The following ARRDC3 variants were observed in gnomAD, a reference collection of about 807,000 sequenced individuals.
ARRDC3 encodes arrestin domain containing 3, also known as arrestin domain-containing protein 3.
In ARRDC3, 10 loss-of-function variants were observed where a neutral mutation model predicts 47.2. The ratio of observed to expected loss-of-function variants is 0.21; its 90% confidence interval spans 0.13 to 0.36. The LOEUF (loss-of-function observed/expected upper bound fraction) is 0.36, where lower values mean the gene tolerates loss of function less well. ARRDC3 is among the 10% of genes least tolerant of loss of function. The probability of loss-of-function intolerance (pLI) is 1.00; values close to 1 mark genes in which losing one functional copy is unlikely to be tolerated. For synonymous variants in ARRDC3, 156 were observed against 178.3 expected (o/e 0.87, Z 1.00); for missense variants, 381 against 503.6 (o/e 0.76, Z 2.33).
intron 1 of ARRDC3, among the ~76,000 whole-genome samples, chr5:91,381,685 A>AT (rs1035464820): frequency 3.3e-5 from 5 of 152,016 alleles, no homozygotes; most frequent in East Asian, 1.9e-4. Flanking sequence ...TATGTCTCTA[A>AT]TTTTTTTTCT....
At position 91,376,723 on chromosome 5, in the gene ARRDC3, A is replaced by G. The variant is rs372683386; in HGVS notation, c.408T>C (p.Tyr136=). ...SFEGRHGSVR[Y]WVKAELHRPW... is the part of the protein sequence containing the mutation. ...GCCTGTGCAATTCGGCTTTCACCCAATAGCGCACACTGCCATGTCGGCCTT... is the reference window on the plus strand; with the variant it reads ...GCCTGTGCAATTCGGCTTTCACCCAGTAGCGCACACTGCCATGTCGGCCTT... The change falls in exon 3 of 8, where the codon TAT becomes TAC. Residue 136 remains tyrosine, a synonymous_variant. Transcript: ENST00000265138. 8.1e-6 allele frequency: 13 copies of G among 1,613,864 alleles called. No homozygotes were observed. In the African/African-American group the frequency reaches 1.1e-4, roughly 13 times the overall value.
chr5:91,374,684 G>T (rs1265920847), intron 5 of ARRDC3, among the ~76,000 whole-genome samples: 1 of 152,000 alleles, frequency 6.6e-6, no homozygotes, highest in Non-Finnish European at 1.5e-5. Context: ...AGGAGTTCAA[G>T]ACCAACCTGG....
rs753483575 is a variant in ARRDC3 at position 91,382,987 on chromosome 5, A to T, written c.106T>A (p.Leu36Ile). 6.2e-7 allele frequency: 1 copy of T among 1,614,082 alleles called. No homozygotes were observed. The highest frequency in any genetic ancestry group is 8.5e-7 in the Non-Finnish European group (1 of 1,180,018). The part of the protein sequence containing the change: ...SGDTVSGRVN[L>I]EVTGEIRVKS... ...ACTCTGATTTCCCCAGTAACTTCTA[A>T]ATTTACCCTTCCTGAGACGGTATCC... Residue 36 changes from leucine (L) to isoleucine (I), a missense_variant, in exon 1 of 8, where the codon TTA becomes ATA. Physicochemically the swap from Leu to Ile is conservative, Grantham distance 5. Coordinates refer to ENST00000265138, the MANE Select transcript of ARRDC3 (RefSeq NM_020801.4).
At chr5:91,380,228 G>A in intron 1 of ARRDC3, 1 of 163,982 alleles carries the variant, frequency 6.1e-6, no homozygotes, top group Non-Finnish European at 1.3e-5. Flanking sequence ...CGCCGCCGCC[G>A]CCGCTGCCGC....
rs774402555 is a variant in ARRDC3, at chr5:91,375,630, A to C, written c.511-17T>G. The C allele has an allele frequency of 1.1e-5, 17 of 1,571,508 alleles. No individual in the cohort carries two copies. The South Asian group carries it at 1.9e-4, about 18-fold the overall frequency. On this transcript the variant is annotated splice_polypyrimidine_tract_variant and intron_variant, in intron 3 of 7. Coordinates refer to ENST00000265138, the MANE Select transcript of ARRDC3 (RefSeq NM_020801.4). ...TTGGGGTGACTGTAAGAAAAAAATT[A>C]AGAGAAAAAGGTCAGTGTATGGATT...
Position 91,378,735 on chromosome 5 carries a change from T to C in ARRDC3, c.321A>G (p.Ser107=). Reference sequence around the variant, plus strand: ...AGCTGAATGCATATTCATGCCTTCCTGAATGAATAGTGTGGAAGCCTTCTT... The same window carrying C: ...AGCTGAATGCATATTCATGCCTTCCCGAATGAATAGTGTGGAAGCCTTCTT... ...NSEEGFHTIH[S]GRHEYAFSFE... The change falls in exon 2 of 8, where the codon TCA becomes TCG. Residue 107 remains serine, a synonymous_variant. Coordinates refer to ENST00000265138, the MANE Select transcript of ARRDC3 (RefSeq NM_020801.4). The C allele has an allele frequency of 6.2e-7, 1 of 1,601,190 alleles. No homozygotes were observed.
chr5:91,379,659 G>C (rs1421864421), intron 1 of ARRDC3, among the ~76,000 whole-genome samples: 1 of 151,190 alleles, frequency 6.6e-6, no homozygotes, highest in Non-Finnish European at 1.5e-5. Flanking sequence ...TATGGGAGGG[G>C]GTTCTAGATC....
intron 7 of ARRDC3, 97 bp downstream of exon 7, chr5:91,373,587 G>A: frequency 8.5e-7 from 1 of 1,172,360 alleles, no homozygotes; most frequent in East Asian, 2.4e-5. Context: ...CTGTTAACAT[G>A]ATAATCAAGA....
rs1398583801 is a variant in ARRDC3 at position 91,369,904 on chromosome 5, A to G, written c.*1496T>C. ...ACTTACTGATGTGATTGTTCTTCCT[A>G]TGTAATCTATACATAATCAAAGTGA... On this transcript the variant is annotated 3_prime_UTR_variant, in exon 8 of 8. Coordinates refer to ENST00000265138, the MANE Select transcript of ARRDC3 (RefSeq NM_020801.4). The G allele has an allele frequency of 6.6e-6, 1 of 152,182 alleles. No homozygotes were observed. Among genetic ancestry groups the G allele is most frequent in the Admixed American group, 6.6e-5 (1 of 15,264 alleles). The allele number at this position is 152,182 out of a possible 1,614,324, so 9.4% of individuals were successfully genotyped here. A position where few individuals can be genotyped will look rare whatever the true frequency, so the allele number is the denominator to read the frequency against.
intron 1 of ARRDC3, 57 bp from the exon 2 acceptor site, chr5:91,378,832 G>T (rs975988684): frequency 6.2e-5 from 70 of 1,127,192 alleles, no homozygotes; most frequent in Non-Finnish European, 7.9e-5. Flanking sequence ...TACATACTCC[G>T]CAGGGTGGCA....
At chr5:91,375,668 AC>A in intron 3 of ARRDC3, 55 bp from the exon 4 acceptor site, 1 of 1,157,066 alleles carries the variant, frequency 8.6e-7, no homozygotes. Flanking sequence ...TACAATCAAT[AC>A]CAGAATATTT....
At chr5:91,373,599 C>A in intron 7 of ARRDC3, 85 bp downstream of exon 7, 2 of 1,287,416 alleles carry the variant, frequency 1.6e-6, no homozygotes, top group Non-Finnish European at 2.2e-6. Flanking sequence ...TAATCAAGAT[C>A]TAATAACATT....
In ARRDC3 at chr5:91,371,209, T is replaced by A. The variant is rs1459914423; in HGVS notation, c.*191A>T. 1 of 570,042 alleles carries A rather than the reference T, an allele frequency of 1.8e-6. No homozygotes were observed. Among genetic ancestry groups the A allele is most frequent in the Non-Finnish European group, 3.1e-6 (1 of 321,306 alleles). 35.3% of individuals were successfully genotyped at this position (570,042 alleles called of 1,614,324 possible). ...AGAGAAAAGCTTAGATCTTCAAGCATGTTGGAGCAGTCTCAGAATGTTGCT... is the reference window on the plus strand; with the variant it reads ...AGAGAAAAGCTTAGATCTTCAAGCAAGTTGGAGCAGTCTCAGAATGTTGCT... On this transcript the variant is annotated 3_prime_UTR_variant, in exon 8 of 8. Transcript: ENST00000265138.
At chr5:91,380,275 G>T in intron 1 of ARRDC3, 1 of 153,020 alleles carries the variant, frequency 6.5e-6, no homozygotes, top group South Asian at 1.8e-4. Flanking sequence ...TACGTCGCGC[G>T]GCGCTCGCGC....
intron 2 of ARRDC3, among the ~76,000 whole-genome samples, chr5:91,377,869 T>C (rs1799341905): frequency 6.6e-6 from 1 of 152,090 alleles, no homozygotes; most frequent in Non-Finnish European, 1.5e-5. Flanking sequence ...TCTCTCTCTA[T>C]ATATAACATC....
chr5:91,371,360 G>A lies in ARRDC3; in HGVS notation c.*40C>T, dbSNP rs753155321. Reference sequence around the variant, plus strand: ...TCTGTCCTCAGCCGGAAGAGATACAGTTCGGAACCCACATCAACTTGATTC... The same window carrying A: ...TCTGTCCTCAGCCGGAAGAGATACAATTCGGAACCCACATCAACTTGATTC... On this transcript the variant is annotated 3_prime_UTR_variant, in exon 8 of 8. Transcript: ENST00000265138. 1.9e-6 allele frequency: 3 copies of A among 1,555,888 alleles called. No individual in the cohort carries two copies. The highest frequency in any genetic ancestry group is 2.2e-5 in the South Asian group (2 of 89,586).
In ARRDC3 at chr5:91,382,944, T is replaced by A; in HGVS notation, c.149A>T (p.His50Leu). 1 of 1,614,184 alleles carries A rather than the reference T, an allele frequency of 6.2e-7. No homozygotes were observed. The highest frequency in any genetic ancestry group is 8.5e-7 in the Non-Finnish European group (1 of 1,180,032). The change falls in exon 1 of 8, where the codon CAT (histidine) becomes CTT (leucine). Residue 50 changes from histidine to leucine, a missense_variant. Transcript: ENST00000265138. ...GEIRVKSLKI[H>L]ARGHAKVRWT... The stretch of plus-strand genomic sequence containing the variant: ...GCGTACTTTCGCATGTCCTCTTGCA[T>A]GAATTTTAAGAGATTTTACTCTGAT...
At chr5:91,373,953 C>T in intron 6 of ARRDC3, 115 bp from the exon 7 acceptor site, 4 of 1,487,278 alleles carry the variant, frequency 2.7e-6, no homozygotes, top group Non-Finnish European at 1.8e-6. Context: ...GTTTGGTGAT[C>T]AAAACTATGA....
intron 7 of ARRDC3, among the ~76,000 whole-genome samples, chr5:91,372,084 C>T (rs141347850): frequency 0.021 from 3,182 of 152,238 alleles, 48 homozygotes; most frequent in Non-Finnish European, 0.032. Flanking sequence ...TTTCCTCCCA[C>T]CTTCTTTATC....
Sources: gnomAD v4.1 joint callset for allele counts (sites outside exome capture counted in the v4.1 genomes callset) on GRCh38, gnomAD v4.1.1 for gene constraint, MANE v1.5 for transcripts, NCBI Gene and HGNC (gene_info 2026-07-23, HGNC 2026-07-21) for gene names.